The following DNAH8 variants were observed in gnomAD, a reference collection of about 807,000 sequenced individuals.
The protein encoded by DNAH8 is dynein axonemal heavy chain 8, also known as axonemal beta dynein heavy chain 8.
In DNAH8, 382 loss-of-function variants were observed where a neutral mutation model predicts 562.1. That is an observed-to-expected ratio of 0.68 (90% CI 0.63 to 0.74). DNAH8 has a LOEUF of 0.74. Among genes scored for constraint, DNAH8 ranks in the 30% least tolerant of loss-of-function variants. The pLI, the probability that DNAH8 is intolerant of heterozygous loss-of-function variation, is 0.00. For missense variants in DNAH8, 5,203 were observed against 5,620.4 expected, an observed-to-expected ratio of 0.93 and a Z score of 2.37; for synonymous variants, 1,881 against 1,919.4, an observed-to-expected ratio of 0.98 and a Z score of 0.52.
At chr6:38,728,286 C>T (rs35850182) in intron 3 of DNAH8, among the ~76,000 whole-genome samples, 32,222 of 147,494 alleles carry the variant, frequency 0.22, 2,968 homozygotes, top group Non-Finnish European at 0.28. Context: ...GTCTTTTTAC[C>T]TTAATTTTCT....
rs147645720 is a variant in DNAH8 at position 39,017,848 on chromosome 6, A to G, written c.13714+5211A>G. ...GTGTGTGTGTTTTCAGGGAAACATC[A>G]TCAACTAGCTACAATCTCTGAATGC... is the stretch of plus-strand genomic sequence containing the variant. On this transcript the variant is annotated intron_variant, in intron 91 of 92. Coordinates refer to ENST00000327475, the MANE Select transcript of DNAH8 (RefSeq NM_001206927.2). Among the ~76,000 whole-genome samples the G allele has an allele frequency of 1.9e-3, 292 of 152,332 alleles. 3 individuals are homozygous for G. In the East Asian group the frequency reaches 0.049, roughly 25 times the overall value.
chr6:38,969,750 CTGAT>C (rs1298264379), intron 82 of DNAH8, among the ~76,000 whole-genome samples: 3 of 151,756 alleles, frequency 2.0e-5, no homozygotes, highest in Admixed American at 6.6e-5. Context: ...GTAGCAGGGA[CTGAT>C]TGTGTAGGGC....
chr6:38,724,779 C>T (rs753980249), intron 3 of DNAH8, among the ~76,000 whole-genome samples: 21 of 152,072 alleles, frequency 1.4e-4, no homozygotes, highest in South Asian at 8.3e-4. Flanking sequence ...TTTTTCTGAA[C>T]CCTAGGAGTG....
chr6:38,930,620 T>C (rs1782485063), intron 75 of DNAH8, among the ~76,000 whole-genome samples: 1 of 152,158 alleles, frequency 6.6e-6, no homozygotes, highest in Admixed American at 6.6e-5. Context: ...GAGGGTAGAA[T>C]TTCTCTTTTT....
At chr6:38,726,747 G>T (rs1282281956) in intron 3 of DNAH8, among the ~76,000 whole-genome samples, 1 of 152,102 alleles carries the variant, frequency 6.6e-6, no homozygotes, top group Non-Finnish European at 1.5e-5. Context: ...TTGGATCAAG[G>T]TTGGTGACCA....
At position 38,789,799 on chromosome 6, in the gene DNAH8, A is replaced by G; in HGVS notation, c.2584-4A>G. Reference sequence around the variant, plus strand: ...ATAAAACATGCCATTTCAACTTCCTACAGGGTCTTCTGCAATATTATGATG... The same window carrying G: ...ATAAAACATGCCATTTCAACTTCCTGCAGGGTCTTCTGCAATATTATGATG... On this transcript the variant is annotated splice_region_variant and splice_polypyrimidine_tract_variant and intron_variant, in intron 18 of 92. Transcript: ENST00000327475. The G allele has an allele frequency of 1.3e-6, 2 of 1,598,100 alleles. No homozygotes were observed. Among genetic ancestry groups the G allele is most frequent in the Non-Finnish European group, 1.7e-6 (2 of 1,172,094 alleles).
In DNAH8 at chr6:38,866,799, G is replaced by C. The variant is rs1365487570; in HGVS notation, c.6616G>C (p.Gly2206Arg). 1 of 1,613,106 alleles carries C rather than the reference G, an allele frequency of 6.2e-7. No homozygotes were observed. The highest frequency in any genetic ancestry group is 8.5e-7 in the Non-Finnish European group (1 of 1,179,554). Residue 2206 changes from glycine to arginine, a missense_variant, in exon 47 of 93, where the codon GGT (glycine) becomes CGT (arginine). Coordinates refer to ENST00000327475, the MANE Select transcript of DNAH8 (RefSeq NM_001206927.2). The stretch of plus-strand genomic sequence containing the variant: ...TATGAGAGTTAAACTTGCAAGCTGT[G>C]GTTTTCTTGAAAATGTTATCTTGGC... ...IIMRVKLASC[G>R]FLENVILAQK...
chr6:38,760,778 A>G (rs926632902), intron 10 of DNAH8, among the ~76,000 whole-genome samples: 1 of 152,094 alleles, frequency 6.6e-6, no homozygotes, highest in Non-Finnish European at 1.5e-5. Flanking sequence ...GCTTGCTCTC[A>G]TATGAGGCCA....
At position 38,845,711 on chromosome 6, in the gene DNAH8, G is replaced by A. The variant is rs745822075; in HGVS notation, c.4983G>A (p.Ser1661=). 35 of 1,613,784 alleles carry A rather than the reference G, an allele frequency of 2.2e-5. No homozygotes were observed. The highest frequency in any genetic ancestry group is 5.3e-5 in the African/African-American group (4 of 74,882). ...AGCTCCTGCTCAAAGGAACCGAATC[G>A]GGAGAAATTATCACTTTGATGGAGG... The part of the protein sequence containing the change: ...KGELLLKGTE[S]GEIITLMEDS... The change falls in exon 36 of 93, where the codon TCG becomes TCA. Residue 1661 remains serine (S), a synonymous_variant. Transcript: ENST00000327475.
At chr6:38,759,195 C>A (rs1766239815) in intron 10 of DNAH8, among the ~76,000 whole-genome samples, 2 of 151,998 alleles carry the variant, frequency 1.3e-5, no homozygotes, top group Admixed American at 1.3e-4. Context: ...GTAGTCCTAG[C>A]TATTCCAGAG....
At chr6:38,904,310 G>A (rs112457597) in intron 62 of DNAH8, among the ~76,000 whole-genome samples, 36 of 152,248 alleles carry the variant, frequency 2.4e-4, no homozygotes, top group African/African-American at 8.2e-4. Context: ...TCAGTAGAGA[G>A]GAACCTTTTG....
chr6:38,968,621 CAG>C (rs781022079), intron 82 of DNAH8, among the ~76,000 whole-genome samples: 5 of 151,996 alleles, frequency 3.3e-5, no homozygotes, highest in Non-Finnish European at 7.4e-5. Context: ...TAATCAAAGA[CAG>C]GGACAACAGC....
intron 64 of DNAH8, 110 bp from the exon 65 acceptor site, chr6:38,909,408 C>A: frequency 1.1e-6 from 1 of 937,796 alleles, no homozygotes; most frequent in Non-Finnish European, 1.7e-6. Context: ...CAAGAAGATT[C>A]ATTTTCAAAT....
At chr6:38,780,180 A>G in intron 15 of DNAH8, 115 bp downstream of exon 15, 1 of 1,017,086 alleles carries the variant, frequency 9.8e-7, no homozygotes, top group Non-Finnish European at 1.4e-6. Context: ...TTTCTCTGCT[A>G]AGGAGCATTG....
At chr6:38,864,546 A>G (rs1776894976) in intron 45 of DNAH8, among the ~76,000 whole-genome samples, 1 of 152,208 alleles carries the variant, frequency 6.6e-6, no homozygotes. Context: ...CGAGGTACCT[A>G]CTATCTCAAT....
intron 74 of DNAH8, among the ~76,000 whole-genome samples, chr6:38,928,598 G>A (rs1782292727): frequency 6.6e-6 from 1 of 152,032 alleles, no homozygotes. Context: ...TGATTTAATT[G>A]TTATATTTCA....
chr6:38,879,707 G>T (rs781514171), intron 53 of DNAH8, among the ~76,000 whole-genome samples: 1 of 147,520 alleles, frequency 6.8e-6, no homozygotes, highest in Non-Finnish European at 1.5e-5. Context: ...TTGTACTAGA[G>T]GTTCTAGCCA....
At chr6:38,755,436 T>C (rs1765826243) in intron 9 of DNAH8, among the ~76,000 whole-genome samples, 1 of 152,176 alleles carries the variant, frequency 6.6e-6, no homozygotes, top group Admixed American at 6.6e-5. Context: ...TGTTGTGAGC[T>C]ACTCATGAAT....
chr6:38,840,715 C>G (rs1294009349), intron 33 of DNAH8, among the ~76,000 whole-genome samples: 1 of 152,130 alleles, frequency 6.6e-6, no homozygotes, highest in Non-Finnish European at 1.5e-5. Flanking sequence ...ATTTTCTTCT[C>G]TTTACCCTTT....
Sources: gnomAD v4.1 joint callset for allele counts (sites outside exome capture counted in the v4.1 genomes callset) on GRCh38, gnomAD v4.1.1 for gene constraint, MANE v1.5 for transcripts, NCBI Gene and HGNC (gene_info 2026-07-23, HGNC 2026-07-21) for gene names.